The following ABCC12 variants were observed in gnomAD, a reference collection of about 807,000 sequenced individuals.
ABCC12 encodes ATP binding cassette subfamily C member 12, also known as ATP-binding cassette sub-family C member 12.
Under a neutral mutation model 151.1 loss-of-function variants are expected in ABCC12, and 142 were observed. The ratio of observed to expected loss-of-function variants is 0.94; its 90% confidence interval spans 0.82 to 1.08. The LOEUF is 1.08. Ranked by LOEUF, ABCC12 falls within the 50% of genes least tolerant of loss-of-function variation. The pLI is 0.00. For missense variants in ABCC12, 1,638 were observed against 1,691.1 expected (o/e 0.97, Z 0.55); for synonymous variants, 645 against 646.4 (o/e 1.00, Z 0.03).
rs538815737 is a variant in ABCC12, at chr16:48,081,777, C to T, written c.*1938G>A. On this transcript the variant is annotated 3_prime_UTR_variant, in exon 31 of 31. Coordinates refer to ENST00000311303, the MANE Select transcript of ABCC12 (RefSeq NM_001393797.1). Reference sequence around the variant, plus strand: ...ATAGGAGGTGATTCATCTCTCAATGCATCTGAAGGAGCAGCAGGGATCATT... The same window carrying T: ...ATAGGAGGTGATTCATCTCTCAATGTATCTGAAGGAGCAGCAGGGATCATT... Among the ~76,000 whole-genome samples, 1 of 152,280 alleles carries T rather than the reference C, an allele frequency of 6.6e-6. No homozygotes were observed. The highest frequency in any genetic ancestry group is 2.4e-5 in the African/African-American group (1 of 41,552).
In ABCC12 at chr16:48,138,237, T is replaced by C. The variant is rs777806178; in HGVS notation, c.970A>G (p.Thr324Ala). Residue 324 changes from threonine (T) to alanine (A), a missense_variant, in exon 8 of 31, where the codon ACT becomes GCT. Physicochemically the swap from Thr to Ala is moderately conservative, Grantham distance 58 (BLOSUM62 0). Coordinates refer to ENST00000311303, the MANE Select transcript of ABCC12 (RefSeq NM_001393797.1). The part of the protein sequence containing the change: ...MYAWEKSFTN[T>A]IQDIRRRERK... The stretch of plus-strand genomic sequence containing the variant: ...GCTACTCTTGTCCTACCTTGGATAG[T>C]GTTGGTAAAAGATTTCTCCCAGGCA... The C allele has an allele frequency of 1.2e-6, 2 of 1,608,648 alleles. No homozygotes were observed. Among genetic ancestry groups the C allele is most frequent in the East Asian group, 2.2e-5 (1 of 44,710 alleles).
chr16:48,151,349 T>C (rs1484992786), intron 2 of ABCC12, among the ~76,000 whole-genome samples: 4 of 152,108 alleles, frequency 2.6e-5, no homozygotes, highest in African/African-American at 9.7e-5. Flanking sequence ...GTCAAGGTCA[T>C]CAAAGACAAG....
chr16:48,141,391 C>T (rs775243085), intron 4 of ABCC12, 38 bp from the exon 5 acceptor site: 6 of 1,609,678 alleles, frequency 3.7e-6, no homozygotes, highest in South Asian at 1.1e-5. Context: ...TGGATTGGCA[C>T]TTCTATGTGC....
chr16:48,136,281 T>C (rs895827755), intron 8 of ABCC12, among the ~76,000 whole-genome samples: 4 of 152,114 alleles, frequency 2.6e-5, no homozygotes, highest in Admixed American at 2.0e-4. Context: ...CCTCCCTAAG[T>C]GGGCTTCCCC....
At chr16:48,142,359 T>C (rs1165427602) in intron 4 of ABCC12, among the ~76,000 whole-genome samples, 1 of 152,168 alleles carries the variant, frequency 6.6e-6, no homozygotes, top group African/African-American at 2.4e-5. Flanking sequence ...GTGTTTGGTG[T>C]TTAAGCCTTT....
At chr16:48,131,861 C>A (rs1408907178) in intron 9 of ABCC12, among the ~76,000 whole-genome samples, 1 of 152,160 alleles carries the variant, frequency 6.6e-6, no homozygotes, top group Non-Finnish European at 1.5e-5. Context: ...CTAAATACAT[C>A]CTCAAAGGGA....
chr16:48,111,368 G>T, intron 18 of ABCC12, 68 bp downstream of exon 18: 2 of 1,543,686 alleles, frequency 1.3e-6, no homozygotes, highest in Non-Finnish European at 1.8e-6. Flanking sequence ...TACACTGTCT[G>T]TATCCCAAAC....
chr16:48,087,127 G>A (rs537134935), intron 27 of ABCC12: 3 of 305,694 alleles, frequency 9.8e-6, no homozygotes, highest in East Asian at 6.1e-5. Flanking sequence ...CAGCAGCCCC[G>A]AGTAGCAGAG....
rs1162899341 is a variant in ABCC12 at position 48,088,715 on chromosome 16, G to T, written c.3305C>A (p.Thr1102Asn). ...ACAGGTCCCCACTTTGAGGGGATGAGTGCATTCAGGAACACAGGTCTGTAA... is the reference window on the plus strand; with the variant it reads ...ACAGGTCCCCACTTTGAGGGGATGATTGCATTCAGGAACACAGGTCTGTAA... ...EYISTCVPEC[T>N]HPLKVGTCPK... The change falls in exon 26 of 31, where the codon ACT becomes AAT. Residue 1102 changes from threonine to asparagine, a missense_variant. Physicochemically the swap from Thr to Asn is moderately conservative, Grantham distance 65. Transcript: ENST00000311303. 6.2e-7 allele frequency: 1 copy of T among 1,613,570 alleles called. No individual in the cohort carries two copies. The highest frequency in any genetic ancestry group is 1.3e-5 in the African/African-American group (1 of 74,938).
chr16:48,136,302 G>T (rs1237921783), intron 8 of ABCC12, among the ~76,000 whole-genome samples: 1 of 152,114 alleles, frequency 6.6e-6, no homozygotes, highest in Non-Finnish European at 1.5e-5. Context: ...AGTTCTCTGT[G>T]CGTCCCAATC....
intron 8 of ABCC12, among the ~76,000 whole-genome samples, chr16:48,134,214 C>T (rs1450157309): frequency 6.6e-6 from 1 of 152,204 alleles, no homozygotes; most frequent in East Asian, 1.9e-4. Context: ...AAAGGGGCAG[C>T]CTCTTCTCAG....
chr16:48,088,668 C>A lies in ABCC12; in HGVS notation c.3352G>T (p.Gly1118Trp). 6.2e-7 allele frequency: 1 copy of A among 1,614,188 alleles called. No individual in the cohort carries two copies. Among genetic ancestry groups the A allele is most frequent in the Non-Finnish European group, 8.5e-7 (1 of 1,180,028 alleles). ...TGATAGTCTCTGAAGGTGATCTCCC[C>A]ACGGCTGGGCCAGTCCTTGGGACAG... is the stretch of plus-strand genomic sequence containing the variant. ...GTCPKDWPSRGEITFRDYQMR... is the reference protein window; with the variant it reads ...GTCPKDWPSRWEITFRDYQMR... Residue 1118 changes from glycine (G) to tryptophan (W), a missense_variant, in exon 26 of 31, where the codon GGG (glycine) becomes TGG (tryptophan). Physicochemically the swap from Gly to Trp is radical, Grantham distance 184 (BLOSUM62 -2). Transcript: ENST00000311303.
chr16:48,117,203 A>T, intron 14 of ABCC12, 58 bp downstream of exon 14: 1 of 1,516,358 alleles, frequency 6.6e-7, no homozygotes, highest in South Asian at 1.2e-5. Context: ...AGCCCTTTGG[A>T]CCTGAGCAAA....
Position 48,128,516 on chromosome 16 carries a change from C to T in ABCC12, c.1458G>A (p.Glu486=). 1 of 1,614,258 alleles carries T rather than the reference C, an allele frequency of 6.2e-7. No individual in the cohort carries two copies. The highest frequency in any genetic ancestry group is 8.5e-7 in the Non-Finnish European group (1 of 1,180,044). Residue 486 remains glutamate, a synonymous_variant, in exon 11 of 31, where the codon GAG becomes GAA. Coordinates refer to ENST00000311303, the MANE Select transcript of ABCC12 (RefSeq NM_001393797.1). ...CCGATTTGAGGCTGTCACTTTGCTC[C>T]TCTGGGCCAGTGGCTCCCTTGGCTG... ...SPPAKGATGP[E]EQSDSLKSVL... is the part of the protein sequence containing the mutation.
intron 23 of ABCC12, among the ~76,000 whole-genome samples, chr16:48,100,116 CA>C (rs1168942148): frequency 6.6e-6 from 1 of 152,062 alleles, no homozygotes; most frequent in Non-Finnish European, 1.5e-5. Context: ...CCCACCACCA[CA>C]CCCAGCTAAT....
Position 48,082,722 on chromosome 16 carries a change from G to A in ABCC12, c.*993C>T, listed in dbSNP as rs997885180. On this transcript the variant is annotated 3_prime_UTR_variant, in exon 31 of 31. Transcript: ENST00000311303. ...GGAAAGCAGGCCCAGGGAACCTCAT[G>A]GGGCCTTCATTCCTGATGAATGAAA... Among the ~76,000 whole-genome samples, 1 of 152,180 alleles carries A rather than the reference G, an allele frequency of 6.6e-6. No homozygotes were observed. The highest frequency in any genetic ancestry group is 1.5e-5 in the Non-Finnish European group (1 of 68,036).
chr16:48,087,538 C>T (rs13330882), intron 27 of ABCC12: 11,887 of 168,332 alleles, frequency 0.071, 1,561 homozygotes, highest in African/African-American at 0.27. Context: ...GCTGTATACA[C>T]GGGGTAACTA....
chr16:48,115,641 T>C (rs750715139), intron 14 of ABCC12, 23 bp from the exon 15 acceptor site: 1 of 1,602,062 alleles, frequency 6.2e-7, no homozygotes, highest in Non-Finnish European at 8.5e-7. Flanking sequence ...ACAATGCTAC[T>C]GCCCATTGTC....
At chr16:48,091,085 A>C in intron 25 of ABCC12, 35 bp downstream of exon 25, 2 of 1,601,670 alleles carry the variant, frequency 1.2e-6, no homozygotes, top group Non-Finnish European at 1.7e-6. Context: ...GCCAAAATTA[A>C]CTTGTCCCTC....
Sources: gnomAD v4.1 joint callset for allele counts (sites outside exome capture counted in the v4.1 genomes callset) on GRCh38, gnomAD v4.1.1 for gene constraint, MANE v1.5 for transcripts, NCBI Gene and HGNC (gene_info 2026-07-23, HGNC 2026-07-21) for gene names.